The following ZNF516 variants were observed in gnomAD, a reference collection of about 807,000 sequenced individuals.
ZNF516 encodes zinc finger protein 516.
ZNF516 carries 19 observed loss-of-function variants against 79.7 expected under a neutral mutation model. The ratio of observed to expected loss-of-function variants is 0.24; its 90% CI spans 0.17 to 0.35. The LOEUF is 0.35. Among genes scored for constraint, ZNF516 ranks in the 10% least tolerant of loss-of-function variants. The probability of loss-of-function intolerance (pLI) is 1.00; values close to 1 mark genes in which losing one functional copy is unlikely to be tolerated. For synonymous variants in ZNF516, 877 were observed against 739.5 expected, an observed-to-expected ratio of 1.19 and a Z score of -3.02; for missense variants, 1,678 against 1,679.5, an observed-to-expected ratio of 1.00 and a Z score of 0.02.
Position 76,475,645 on chromosome 18 carries a change from G to A in ZNF516, c.-271-12504C>T, listed in dbSNP as rs572353760. 2.5e-4 allele frequency among the ~76,000 whole-genome samples: 38 copies of A among 152,266 alleles called. No individual in the cohort carries two copies. In the East Asian group the frequency reaches 3.9e-3, roughly 15 times the overall value. Reference sequence around the variant, plus strand: ...GGGCAGCAGCCAGCTGGCACACACGGGCACCTCCTGCTGGCTGCTCACAGA... The same window carrying A: ...GGGCAGCAGCCAGCTGGCACACACGAGCACCTCCTGCTGGCTGCTCACAGA... On this transcript the variant is annotated intron_variant, in intron 1 of 6. Coordinates refer to ENST00000443185, the MANE Select transcript of ZNF516 (RefSeq NM_014643.4).
At chr18:76,492,979 C>G in intron 1 of ZNF516, 1 of 985,542 alleles carries the variant, frequency 1.0e-6, no homozygotes, top group South Asian at 4.7e-5. Context: ...TGCACGCGCA[C>G]GCGCGCGCTC....
rs1568294003 is a variant in ZNF516 at position 76,441,304 on chromosome 18, C to T, written c.1751G>A (p.Gly584Asp). Reference sequence around the variant, plus strand: ...GTCTTCGGCAGCCTCGTCGGCCAGGCCAGAGCCCGGGGAGTCAGCAGCGGC... The same window carrying T: ...GTCTTCGGCAGCCTCGTCGGCCAGGTCAGAGCCCGGGGAGTCAGCAGCGGC... ...ACAAADSPGS[G>D]LADEAAEDSG... The change falls in exon 3 of 7, where the codon GGC becomes GAC. Residue 584 changes from glycine (G) to aspartate (D), a missense_variant. Transcript: ENST00000443185. The T allele has an allele frequency of 6.2e-7, 1 of 1,611,408 alleles. No individual in the cohort carries two copies.
rs1325431016 is a variant in ZNF516 at position 76,402,249 on chromosome 18, C to T, written c.1811-21946G>A. On this transcript the variant is annotated intron_variant, in intron 3 of 6. Coordinates refer to ENST00000443185, the MANE Select transcript of ZNF516 (RefSeq NM_014643.4). ...GCTGAGTTCAGCAGTGAACGAGGCA[C>T]ACACTGGGCTGTCCCGCGCAGCTGC... Among the ~76,000 whole-genome samples the T allele has an allele frequency of 2.6e-5, 4 of 152,360 alleles. No individual in the cohort carries two copies. The East Asian group carries it at 7.7e-4, about 29-fold the overall frequency.
chr18:76,473,355 C>CAAAAAA (rs35092154), intron 1 of ZNF516, among the ~76,000 whole-genome samples: 11 of 87,674 alleles, frequency 1.3e-4, no homozygotes, highest in East Asian at 6.3e-4. Context: ...TTGCTCTCTG[C>CAAAAAA]AAAAAAAAAA....
At chr18:76,480,976 G>A (rs370329230) in intron 1 of ZNF516, among the ~76,000 whole-genome samples, 1 of 152,212 alleles carries the variant, frequency 6.6e-6, no homozygotes. Context: ...CTGTGAGGCA[G>A]GTCTATCAAA....
chr18:76,491,058 T>A (rs892219945), intron 1 of ZNF516: 2 of 985,008 alleles, frequency 2.0e-6, no homozygotes, highest in Non-Finnish European at 2.4e-6. Context: ...GCAGGACCGG[T>A]TCAGGTGTGA....
intron 1 of ZNF516, among the ~76,000 whole-genome samples, chr18:76,464,317 A>G (rs1742677720): frequency 1.3e-5 from 2 of 152,174 alleles, no homozygotes; most frequent in Admixed American, 6.5e-5. Context: ...GGTTGCAGTG[A>G]GTCGAGATCA....
intron 3 of ZNF516, among the ~76,000 whole-genome samples, chr18:76,396,283 G>C (rs1385322878): frequency 1.3e-5 from 2 of 152,128 alleles, no homozygotes; most frequent in Non-Finnish European, 2.9e-5. Context: ...ATAGGTATTT[G>C]TGATATAAAA....
At chr18:76,410,706 T>A (rs2145298177) in intron 3 of ZNF516, among the ~76,000 whole-genome samples, 1 of 152,354 alleles carries the variant, frequency 6.6e-6, no homozygotes, top group South Asian at 2.1e-4. Context: ...CATTCACTTG[T>A]GGGAGACTTG....
chr18:76,425,957 G>A (rs2075588302), intron 3 of ZNF516, among the ~76,000 whole-genome samples: 1 of 152,232 alleles, frequency 6.6e-6, no homozygotes, highest in African/African-American at 2.4e-5. Flanking sequence ...TCGCGGCACA[G>A]GGAATTTCAG....
chr18:76,405,880 G>T (rs1478654600), intron 3 of ZNF516, among the ~76,000 whole-genome samples: 2 of 152,036 alleles, frequency 1.3e-5, no homozygotes, highest in Non-Finnish European at 2.9e-5. Context: ...CGTCCCATGG[G>T]TGATGAGTCC....
chr18:76,496,228 G>C, upstream of ZNF516: 1 of 1,245,492 alleles, frequency 8.0e-7, no homozygotes, highest in Non-Finnish European at 1.0e-6. Flanking sequence ...CGGTGACGTA[G>C]ACCCGGGGAG....
At chr18:76,456,916 A>G (rs1180675278) in intron 2 of ZNF516, among the ~76,000 whole-genome samples, 1 of 152,230 alleles carries the variant, frequency 6.6e-6, no homozygotes, top group Non-Finnish European at 1.5e-5. Flanking sequence ...TGCTGCATTA[A>G]ATATGCATCT....
chr18:76,360,575 C>T lies in ZNF516; in HGVS notation c.*1923G>A, dbSNP rs2074514956. On this transcript the variant is annotated 3_prime_UTR_variant, in exon 7 of 7. Coordinates refer to ENST00000443185, the MANE Select transcript of ZNF516 (RefSeq NM_014643.4). ...TCTGCATGGACATTCCTAATTACAC[C>T]AACAGGACAGATCATTTTCGTACAT... 2 of 138,164 alleles carry T rather than the reference C, an allele frequency of 1.4e-5. No individual in the cohort carries two copies. The highest frequency in any genetic ancestry group is 5.5e-5 in the African/African-American group (2 of 36,456). The allele number at this position is 138,164 out of a possible 1,614,324, so 8.6% of individuals were successfully genotyped here.
At chr18:76,476,399 G>A (rs1460619696) in intron 1 of ZNF516, among the ~76,000 whole-genome samples, 1 of 152,138 alleles carries the variant, frequency 6.6e-6, no homozygotes, top group Non-Finnish European at 1.5e-5. Context: ...GTTTTATTCT[G>A]GTTCAGTAAT....
intron 1 of ZNF516, among the ~76,000 whole-genome samples, chr18:76,474,225 G>A (rs1914048770): frequency 6.6e-6 from 1 of 152,132 alleles, no homozygotes; most frequent in South Asian, 2.1e-4. Context: ...GAAACAGACA[G>A]CTTGAAAAAT....
At chr18:76,472,514 C>T (rs58513492) in intron 1 of ZNF516, among the ~76,000 whole-genome samples, 5,353 of 152,318 alleles carry the variant, frequency 0.035, 314 homozygotes, top group African/African-American at 0.12. Flanking sequence ...TATGCACTTG[C>T]GACACGTGCG....
chr18:76,457,444 G>A (rs981374132), intron 2 of ZNF516, among the ~76,000 whole-genome samples: 3 of 152,152 alleles, frequency 2.0e-5, no homozygotes, highest in African/African-American at 4.8e-5. Context: ...GGATGTGGGC[G>A]GCGTCTGTAA....
chr18:76,446,973 G>A (rs1038634769), intron 2 of ZNF516, among the ~76,000 whole-genome samples: 10 of 152,196 alleles, frequency 6.6e-5, no homozygotes, highest in African/African-American at 2.4e-4. Context: ...AGCTGCCTCT[G>A]CCCAGGGGTT....
Sources: gnomAD v4.1 joint callset for allele counts (sites outside exome capture counted in the v4.1 genomes callset) on GRCh38, gnomAD v4.1.1 for gene constraint, MANE v1.5 for transcripts, NCBI Gene and HGNC (gene_info 2026-07-23, HGNC 2026-07-21) for gene names.